ZNF728: variants seen among roughly 807,000 people sequenced by gnomAD.
The protein encoded by ZNF728 is zinc finger protein 728.
A neutral mutation model predicts 12.5 loss-of-function variants in ZNF728; 12 were observed. The ratio of observed to expected loss-of-function variants is 0.96; its 90% CI spans 0.61 to 1.55. ZNF728 has a LOEUF of 1.55. Ranked by LOEUF, ZNF728 falls within the 40% of genes most tolerant of loss-of-function variation. The probability of loss-of-function intolerance (pLI) is 0.00; values close to 1 mark genes in which losing one functional copy is unlikely to be tolerated. For missense variants in ZNF728, 692 were observed against 719.2 expected (o/e 0.96, Z 0.43); for synonymous variants, 205 against 240.7 (o/e 0.85, Z 1.37).
In ZNF728 at chr19:22,993,267, G is replaced by C. The variant is rs1969010088; in HGVS notation, c.4-4816C>G. ...TCTCACAATGCAGAAAATGCCTCCT[G>C]TTGGTTTTCTGTAAATTCTCAATCC... On this transcript the variant is annotated intron_variant, in intron 1 of 3. Coordinates refer to ENST00000594710, the MANE Select transcript of ZNF728 (RefSeq NM_001267716.2). 2.6e-5 allele frequency among the ~76,000 whole-genome samples: 4 copies of C among 152,222 alleles called. No homozygotes were observed. The South Asian group carries it at 8.3e-4, about 31-fold the overall frequency.
chr19:22,986,339 C>T (rs1186968895), intron 3 of ZNF728, among the ~76,000 whole-genome samples: 1 of 151,536 alleles, frequency 6.6e-6, no homozygotes, highest in Non-Finnish European at 1.5e-5. Context: ...AACATTGCTG[C>T]TTGTAGATCA....
chr19:22,998,940 A>G (rs1047389572), intron 1 of ZNF728, among the ~76,000 whole-genome samples: 3 of 152,208 alleles, frequency 2.0e-5, no homozygotes, highest in African/African-American at 7.2e-5. Context: ...GTTTGTCTTC[A>G]GTGGTCAACA....
In ZNF728 at chr19:22,976,641, T is replaced by A. The variant is rs62122538; in HGVS notation, c.696A>T (p.Glu232Asp). 5.6e-6 allele frequency: 9 copies of A among 1,613,138 alleles called. No homozygotes were observed. In the East Asian group the frequency reaches 2.0e-4, roughly 36 times the overall value. ...AGAACTTACTAAAGGCTTTGCCACA[T>A]TCTTCACATTTGCAGGGTTTCTCTC... ...HTGEKPCKCE[E>D]CGKAFSKFSI... The change falls in exon 4 of 4, where the codon GAA (glutamate) becomes GAT (aspartate). Residue 232 changes from glutamate (E) to aspartate (D), a missense_variant. By Grantham distance (45) the Glu-to-Asp change is conservative (BLOSUM62 2). Coordinates refer to ENST00000594710, the MANE Select transcript of ZNF728 (RefSeq NM_001267716.2).
intron 1 of ZNF728, among the ~76,000 whole-genome samples, chr19:22,991,607 A>G (rs1371861583): frequency 6.6e-6 from 1 of 152,240 alleles, no homozygotes; most frequent in Non-Finnish European, 1.5e-5. Flanking sequence ...AAAAGATCCT[A>G]CAATACATAC....
intron 3 of ZNF728, among the ~76,000 whole-genome samples, chr19:22,981,364 G>A (rs1372375005): frequency 1.3e-5 from 2 of 152,182 alleles, no homozygotes; most frequent in Non-Finnish European, 2.9e-5. Flanking sequence ...CCAATAACAA[G>A]TTCTAAAATT....
intron 1 of ZNF728, among the ~76,000 whole-genome samples, chr19:22,989,535 G>C (rs1968960798): frequency 1.3e-5 from 2 of 152,104 alleles, no homozygotes; most frequent in Non-Finnish European, 2.9e-5. Context: ...ATGTGTCGGA[G>C]AGCTTATCAA....
chr19:22,996,960 AAGAG>A (rs1340235047), intron 1 of ZNF728, among the ~76,000 whole-genome samples: 1 of 152,184 alleles, frequency 6.6e-6, no homozygotes, highest in Non-Finnish European at 1.5e-5. Flanking sequence ...GGAAAAGCAG[AAGAG>A]AGAAAGATGT....
In ZNF728 at chr19:22,975,476, G is replaced by A. The variant is rs150977455; in HGVS notation, c.1861C>T (p.Gln621Ter). 953 of 1,544,610 alleles carry A rather than the reference G, an allele frequency of 6.2e-4. 5 individuals carry two copies. In the African/African-American group the frequency reaches 0.012, roughly 20 times the overall value. ...AAGCTTTGCCACATTTTTCACATTT[G>A]TAGGGTTTTTCCTCCAGTATGAATT... ...KRIHTGGKTL[Q>*]M Residue 621 changes from glutamine to a stop codon, truncating the protein, a stop_gained, in exon 4 of 4, where the codon CAA becomes TAA. Transcript: ENST00000594710. LOFTEE classifies it high-confidence loss of function.
In ZNF728 at chr19:22,983,641, T is replaced by C. The variant is rs574915180; in HGVS notation, c.226+3667A>G. 2.4e-4 allele frequency among the ~76,000 whole-genome samples: 37 copies of C among 152,108 alleles called. No homozygotes were observed. The South Asian group carries it at 7.1e-3, about 29-fold the overall frequency. The stretch of plus-strand genomic sequence containing the variant: ...TCAGTAATAGACTGGATAAAGAAAA[T>C]GTGGCACATATATACCACGGAATAC... On this transcript the variant is annotated intron_variant, in intron 3 of 3. Transcript: ENST00000594710.
intron 1 of ZNF728, among the ~76,000 whole-genome samples, chr19:22,990,888 C>T (rs567621332): frequency 7.9e-5 from 12 of 152,294 alleles, no homozygotes; most frequent in Admixed American, 7.2e-4. Context: ...CTCTAACGAG[C>T]TTATAAATCA....
chr19:22,993,034 G>C (rs756940779), intron 1 of ZNF728, among the ~76,000 whole-genome samples: 82 of 152,320 alleles, frequency 5.4e-4, no homozygotes, highest in Non-Finnish European at 9.3e-4. Flanking sequence ...CTTTACTCCA[G>C]TATCACATTT....
chr19:22,985,618 C>A (rs1323888601), intron 3 of ZNF728: 1 of 152,210 alleles, frequency 6.6e-6, no homozygotes, highest in Non-Finnish European at 1.5e-5. Context: ...AGAAAATGTC[C>A]CACCCAACTT....
intron 1 of ZNF728, 79 bp downstream of exon 1, chr19:23,002,949 G>A: frequency 1.3e-6 from 2 of 1,566,298 alleles, no homozygotes; most frequent in Non-Finnish European, 1.7e-6. Context: ...GAGGAGGCCT[G>A]AGTCCCGCCA....
chr19:22,980,389 T>C (rs1451428086), intron 3 of ZNF728, among the ~76,000 whole-genome samples: 2 of 152,048 alleles, frequency 1.3e-5, no homozygotes, highest in Admixed American at 6.6e-5. Flanking sequence ...AGCAAGTTCT[T>C]AGGGATCTAC....
intron 1 of ZNF728, among the ~76,000 whole-genome samples, chr19:22,991,309 CTG>C (rs1413642581): frequency 6.6e-6 from 1 of 152,160 alleles, no homozygotes; most frequent in Non-Finnish European, 1.5e-5. Context: ...TAATAACACC[CTG>C]TGAGTTGATA....
chr19:22,987,040 G>A (rs902362130), intron 3 of ZNF728, among the ~76,000 whole-genome samples: 1 of 152,122 alleles, frequency 6.6e-6, no homozygotes, highest in Non-Finnish European at 1.5e-5. Flanking sequence ...CTCAGATTGT[G>A]CACTCTCTTG....
At chr19:22,980,574 A>G (rs769320219) in intron 3 of ZNF728, among the ~76,000 whole-genome samples, 6 of 152,192 alleles carry the variant, frequency 3.9e-5, no homozygotes, top group Non-Finnish European at 7.3e-5. Flanking sequence ...TCAACAGAAT[A>G]TACATTCTTC....
intron 1 of ZNF728, among the ~76,000 whole-genome samples, chr19:22,999,505 C>A (rs1969084344): frequency 6.6e-6 from 1 of 152,110 alleles, no homozygotes; most frequent in African/African-American, 2.4e-5. Flanking sequence ...AAGGAACTAA[C>A]TGGGCCTTTA....
intron 3 of ZNF728, among the ~76,000 whole-genome samples, chr19:22,986,711 T>G (rs1599529760): frequency 1.3e-5 from 2 of 151,906 alleles, no homozygotes; most frequent in South Asian, 2.1e-4. Flanking sequence ...ATTCCAGTGG[T>G]TTTTTTTCAC....
Sources: allele counts gnomAD v4.1 joint callset (sites outside exome capture counted in the v4.1 genomes callset), GRCh38; gene constraint gnomAD v4.1.1; transcripts MANE v1.5; gene names NCBI Gene and HGNC (gene_info 2026-07-23, HGNC 2026-07-21).